The following CLEC5A variants were observed in gnomAD, a reference collection of about 807,000 sequenced individuals.
The protein encoded by CLEC5A is C-type lectin domain containing 5A.
A neutral mutation model predicts 24.4 loss-of-function variants in CLEC5A; 15 were observed. The observed-to-expected ratio is 0.62, with a 90% CI of 0.41 to 0.95. The LOEUF is 0.95. Among genes scored for constraint, CLEC5A ranks in the 40% least tolerant of loss-of-function variants. The pLI, the probability that CLEC5A is intolerant of heterozygous loss-of-function variation, is 0.00. For synonymous variants in CLEC5A, 71 were observed against 72.6 expected, an observed-to-expected ratio of 0.98 and a Z score of 0.11; for missense variants, 211 against 224.0, an observed-to-expected ratio of 0.94 and a Z score of 0.37.
intron 5 of CLEC5A, among the ~76,000 whole-genome samples, chr7:141,934,322 G>T (rs1384934130): frequency 6.6e-6 from 1 of 152,154 alleles, no homozygotes; most frequent in Non-Finnish European, 1.5e-5. Flanking sequence ...AGAGAGAAAA[G>T]GACTTGTTTA....
chr7:141,937,932 T>G (rs1802679046), intron 4 of CLEC5A, among the ~76,000 whole-genome samples: 1 of 152,218 alleles, frequency 6.6e-6, no homozygotes, highest in Non-Finnish European at 1.5e-5. Flanking sequence ...ACCAGGTGGG[T>G]ACCTCTACGA....
At chr7:141,933,229 T>A (rs1171921735) in intron 5 of CLEC5A, among the ~76,000 whole-genome samples, 2 of 152,096 alleles carry the variant, frequency 1.3e-5, no homozygotes, top group African/African-American at 4.8e-5. Flanking sequence ...TCTACATAGA[T>A]CTGAAGTTTT....
chr7:141,932,048 C>A (rs1403077147), intron 5 of CLEC5A, among the ~76,000 whole-genome samples: 1 of 152,176 alleles, frequency 6.6e-6, no homozygotes, highest in African/African-American at 2.4e-5. Context: ...CTGCTGGGCT[C>A]CTGGTTAAGT....
At chr7:141,930,682 C>T (rs1038261591) in intron 6 of CLEC5A, among the ~76,000 whole-genome samples, 1 of 152,160 alleles carries the variant, frequency 6.6e-6, no homozygotes. Flanking sequence ...TGTTGGCTCT[C>T]CCACCTCTTT....
At chr7:141,932,677 G>A (rs1554440538) in intron 5 of CLEC5A, among the ~76,000 whole-genome samples, 2 of 152,186 alleles carry the variant, frequency 1.3e-5, no homozygotes, top group African/African-American at 4.8e-5. Context: ...TTAGGCTGAG[G>A]ATGTGGAAAC....
intron 1 of CLEC5A, 44 bp from the exon 2 acceptor site, chr7:141,946,356 G>T: frequency 6.6e-7 from 1 of 1,525,708 alleles, no homozygotes; most frequent in Non-Finnish European, 8.9e-7. Flanking sequence ...CGGGTACAAG[G>T]CTGCTTTTCA....
chr7:141,945,390 A>C lies in CLEC5A; in HGVS notation c.90T>G (p.Ile30Met), dbSNP rs782807614. The C allele has an allele frequency of 2.5e-6, 4 of 1,612,654 alleles. No homozygotes were observed. The highest frequency in any genetic ancestry group is 1.3e-5 in the African/African-American group (1 of 74,844). Residue 30 changes from isoleucine to methionine, a missense_variant, in exon 3 of 7, where the codon ATT (isoleucine) becomes ATG (methionine). By Grantham distance (10) the Ile-to-Met change is conservative. Coordinates refer to ENST00000546910, the MANE Select transcript of CLEC5A (RefSeq NM_013252.3). ...MTLFLLYFPQ[I>M]FNKSNDGFTT... Reference sequence around the variant, plus strand: ...TGAAACCATCGTTACTTTTGTTAAAAATCTGTGGGACTGAAAAGAAAATCA... The same window carrying C: ...TGAAACCATCGTTACTTTTGTTAAACATCTGTGGGACTGAAAAGAAAATCA...
In CLEC5A at chr7:141,929,926, T is replaced by C; in HGVS notation, c.*178A>G. 2 of 576,820 alleles carry C rather than the reference T, an allele frequency of 3.5e-6. No homozygotes were observed. The highest frequency in any genetic ancestry group is 6.2e-6 in the Non-Finnish European group (2 of 323,338). 35.7% of individuals were successfully genotyped at this position (576,820 alleles called of 1,614,324 possible). ...TGAGTTGTTTCCGTAAAACTGATCC[T>C]GTCTCCTGGAGATGGCTAGCATCCA... On this transcript the variant is annotated 3_prime_UTR_variant, in exon 7 of 7. Coordinates refer to ENST00000546910, the MANE Select transcript of CLEC5A (RefSeq NM_013252.3).
chr7:141,929,999 A>G lies in CLEC5A; in HGVS notation c.*105T>C, dbSNP rs1311619725. 1.2e-6 allele frequency: 1 copy of G among 814,146 alleles called. No homozygotes were observed. The highest frequency in any genetic ancestry group is 1.9e-6 in the Non-Finnish European group (1 of 513,150). The allele number at this position is 814,146 out of a possible 1,614,324, so 50.4% of individuals were successfully genotyped here. On this transcript the variant is annotated 3_prime_UTR_variant, in exon 7 of 7. Coordinates refer to ENST00000546910, the MANE Select transcript of CLEC5A (RefSeq NM_013252.3). ...AGCTCAGTTTCCCAAATGGGCAAGG[A>G]CCGCTACTGGTAGACAGATAGGTAA... is the stretch of plus-strand genomic sequence containing the variant.
At position 141,946,471 on chromosome 7, in the gene CLEC5A, G is replaced by A. The variant is rs113438662; in HGVS notation, c.-20-159C>T. Among the ~76,000 whole-genome samples, 664 of 152,208 alleles carry A rather than the reference G, an allele frequency of 4.4e-3. 5 individuals are homozygous for A. Among genetic ancestry groups the A allele is most frequent in the African/African-American group, 0.015 (635 of 41,530 alleles). ...CAGGAGGTGACCCAGCGTGGGCCGC[G>A]AACACAGAAAGAATCATGTATTGAT... On this transcript the variant is annotated intron_variant, in intron 1 of 6. Coordinates refer to ENST00000546910, the MANE Select transcript of CLEC5A (RefSeq NM_013252.3).
rs73525919 is a variant in CLEC5A at position 141,929,880 on chromosome 7, G to A, written c.*224C>T. The A allele has an allele frequency of 0.056, 28,175 of 500,160 alleles. 1,387 individuals carry two copies. Among genetic ancestry groups the A allele is most frequent in the South Asian group, 0.17 (7,148 of 41,664 alleles). 31.0% of individuals were successfully genotyped at this position (500,160 alleles called of 1,614,324 possible). A position where few individuals can be genotyped will look rare whatever the true frequency, so the allele number is the denominator to read the frequency against. On this transcript the variant is annotated 3_prime_UTR_variant, in exon 7 of 7. Coordinates refer to ENST00000546910, the MANE Select transcript of CLEC5A (RefSeq NM_013252.3). ...CAGAAATGCTCAGTACTACAGAAGC[G>A]GACCTCATCTCTATACTAACTGAGT...
chr7:141,931,459 G>A (rs1554440335), intron 6 of CLEC5A: 1 of 511,612 alleles, frequency 2.0e-6, no homozygotes, highest in Non-Finnish European at 3.4e-6. Context: ...TGCTATGTAG[G>A]TGGATTTGTT....
intron 5 of CLEC5A, 116 bp from the exon 6 acceptor site, chr7:141,931,942 G>C (rs1802481066): frequency 1.7e-6 from 1 of 573,946 alleles, no homozygotes; most frequent in South Asian, 2.3e-5. Context: ...AGAACTCTGG[G>C]ACCAGCTATA....
intron 3 of CLEC5A, 40 bp from the exon 4 acceptor site, chr7:141,944,004 A>C: frequency 5.0e-6 from 6 of 1,200,778 alleles, no homozygotes; most frequent in Non-Finnish European, 7.5e-6. Flanking sequence ...GGTATGATGA[A>C]TACAACACAG....
In CLEC5A at chr7:141,928,079, A is replaced by G. The variant is rs901710812; in HGVS notation, c.*2025T>C. 6.6e-6 allele frequency: 1 copy of G among 151,738 alleles called. No homozygotes were observed. The highest frequency in any genetic ancestry group is 1.5e-5 in the Non-Finnish European group (1 of 67,980). 9.4% of individuals were successfully genotyped at this position (151,738 alleles called of 1,614,324 possible). ...TCATTGCCTTTTTTTTTTTTAAAGC[A>G]TGCCACTGCTATCTAATAAAGATCA... On this transcript the variant is annotated 3_prime_UTR_variant, in exon 7 of 7. Transcript: ENST00000546910.
intron 2 of CLEC5A, 156 bp downstream of exon 2, chr7:141,946,058 G>A: frequency 1.4e-6 from 1 of 709,920 alleles, no homozygotes; most frequent in South Asian, 1.8e-5. Flanking sequence ...GCTGGGGAGT[G>A]AGAAAGGCAT....
chr7:141,936,921 A>C (rs1383518300), intron 4 of CLEC5A, among the ~76,000 whole-genome samples: 2 of 151,972 alleles, frequency 1.3e-5, no homozygotes, highest in Non-Finnish European at 2.9e-5. Flanking sequence ...CTAGTTCCTG[A>C]AAGACATTTG....
rs990589979 is a variant in CLEC5A at position 141,934,134 on chromosome 7, G to A, written c.345+1680C>T. On this transcript the variant is annotated intron_variant, in intron 5 of 6. Transcript: ENST00000546910. ...ATGAACCTGACATATGCCATGCTAG[G>A]AGAACTGGCGTTTAACCCACTTTAA... is the stretch of plus-strand genomic sequence containing the variant. Among the ~76,000 whole-genome samples, 15 of 152,300 alleles carry A rather than the reference G, an allele frequency of 9.8e-5. No individual in the cohort carries two copies. The South Asian group carries it at 3.1e-3, about 32-fold the overall frequency.
At chr7:141,944,083 T>C in intron 3 of CLEC5A, 119 bp from the exon 4 acceptor site, 1 of 702,742 alleles carries the variant, frequency 1.4e-6, no homozygotes, top group Non-Finnish European at 2.7e-6. Context: ...TCTTGGCCAC[T>C]CTGAGCTAGA....
Sources: allele counts gnomAD v4.1 joint callset (sites outside exome capture counted in the v4.1 genomes callset), GRCh38; gene constraint gnomAD v4.1.1; transcripts MANE v1.5; gene names NCBI Gene and HGNC (gene_info 2026-07-23, HGNC 2026-07-21).